CTNND1: variants seen among roughly 807,000 people sequenced by gnomAD.
CTNND1 encodes the protein catenin delta 1.
In CTNND1, 16 loss-of-function variants were observed where a neutral mutation model predicts 112.1. That is an observed-to-expected ratio of 0.14 (90% CI 0.10 to 0.22). CTNND1 has a LOEUF of 0.22. Ranked by LOEUF, CTNND1 falls within the 10% of genes least tolerant of loss-of-function variation. The probability of loss-of-function intolerance (pLI) is 1.00; values close to 1 mark genes in which losing one functional copy is unlikely to be tolerated. For synonymous variants in CTNND1, 420 were observed against 446.5 expected (o/e 0.94, Z 0.75); for missense variants, 1,008 against 1,257.0 (o/e 0.80, Z 3.00).
chr11:57,795,829 C>A, intron 5 of CTNND1, 100 bp downstream of exon 5: 1 of 1,221,740 alleles, frequency 8.2e-7, no homozygotes, highest in Non-Finnish European at 1.1e-6. Flanking sequence ...GACTGATATG[C>A]CATTATTGAT....
intron 9 of CTNND1, among the ~76,000 whole-genome samples, 153 bp downstream of exon 9, chr11:57,804,933 C>G (rs890412737): frequency 6.6e-6 from 1 of 152,216 alleles, no homozygotes; most frequent in Non-Finnish European, 1.5e-5. Flanking sequence ...GAGTCTTGCT[C>G]TGTTGCCCAG....
chr11:57,800,051 G>C (rs1398387307), intron 6 of CTNND1, among the ~76,000 whole-genome samples: 1 of 135,554 alleles, frequency 7.4e-6, no homozygotes, highest in Non-Finnish European at 1.5e-5. Flanking sequence ...GCAGTGGTGC[G>C]ATCTGGTATT....
intron 1 of CTNND1, among the ~76,000 whole-genome samples, chr11:57,778,654 C>T (rs1030522934): frequency 6.6e-6 from 1 of 152,156 alleles, no homozygotes; most frequent in African/African-American, 2.4e-5. Flanking sequence ...GGCTCTGGCC[C>T]GTGATTGGTA....
intron 1 of CTNND1, among the ~76,000 whole-genome samples, chr11:57,776,747 C>G (rs771788721): frequency 6.6e-6 from 1 of 152,232 alleles, no homozygotes; most frequent in Non-Finnish European, 1.5e-5. Context: ...TTCCCTCCCT[C>G]ACACCCCAGG....
rs528315652 is a variant in CTNND1, at chr11:57,779,333, A to C, written c.-213-9704A>C. ...TAGTTTCCTGGGATTTTTCTTCCCT[A>C]TGTCTAGACTGAAATAGCACCTGTA... On this transcript the variant is annotated intron_variant, in intron 1 of 20. Coordinates refer to ENST00000399050, the MANE Select transcript of CTNND1 (RefSeq NM_001085458.2). Among the ~76,000 whole-genome samples the C allele has an allele frequency of 2.0e-5, 3 of 152,206 alleles. No individual in the cohort carries two copies. In the East Asian group the frequency reaches 5.8e-4, roughly 29 times the overall value.
At chr11:57,774,317 C>G (rs1253368279) in intron 1 of CTNND1, among the ~76,000 whole-genome samples, 2 of 152,156 alleles carry the variant, frequency 1.3e-5, no homozygotes, top group African/African-American at 4.8e-5. Context: ...GCTCTTTGTT[C>G]CTTGAAGGCC....
At chr11:57,782,826 T>TCCAG (rs2059719073) in intron 1 of CTNND1, among the ~76,000 whole-genome samples, 1 of 152,194 alleles carries the variant, frequency 6.6e-6, no homozygotes, top group African/African-American at 2.4e-5. Context: ...GAAGGCCATA[T>TCCAG]CCAGAATAAT....
In CTNND1 at chr11:57,801,934, A is replaced by C. The variant is rs373905009; in HGVS notation, c.1158A>C (p.Ala386=). ...GFRLDAVKSN[A]AAYLQHLCYR... ...GCTTGGATGCTGTCAAGTCCAATGC[A>C]GCTGCATACCTGCAACACTTATGCT... The change falls in exon 7 of 21, where the codon GCA becomes GCC. Residue 386 remains alanine, a synonymous_variant. Coordinates refer to ENST00000399050, the MANE Select transcript of CTNND1 (RefSeq NM_001085458.2). 1.2e-6 allele frequency: 2 copies of C among 1,613,962 alleles called. No homozygotes were observed. The highest frequency in any genetic ancestry group is 1.7e-6 in the Non-Finnish European group (2 of 1,179,920).
intron 2 of CTNND1, among the ~76,000 whole-genome samples, chr11:57,789,572 CAA>C (rs1764318201): frequency 6.6e-6 from 1 of 152,108 alleles, no homozygotes; most frequent in South Asian, 2.1e-4. Context: ...CTATTTAAAA[CAA>C]GAGTGTCCAA....
chr11:57,786,431 G>A (rs1404932137), intron 1 of CTNND1, among the ~76,000 whole-genome samples: 1 of 152,132 alleles, frequency 6.6e-6, no homozygotes, highest in East Asian at 1.9e-4. Context: ...TATTCGGGAG[G>A]CTGAGGCAGG....
intron 1 of CTNND1, among the ~76,000 whole-genome samples, chr11:57,768,087 G>T (rs560298586): frequency 6.6e-6 from 1 of 151,856 alleles, no homozygotes; most frequent in African/African-American, 2.4e-5. Flanking sequence ...CACCCACCTC[G>T]GCCTTCCAAA....
In CTNND1 at chr11:57,796,782, G is replaced by A. The variant is rs199994040; in HGVS notation, c.746G>A (p.Arg249Gln). The A allele has an allele frequency of 6.2e-6, 10 of 1,609,758 alleles. No individual in the cohort carries two copies. Among genetic ancestry groups the A allele is most frequent in the East Asian group, 2.2e-5 (1 of 44,810 alleles). Residue 249 changes from arginine to glutamine, a missense_variant, in exon 6 of 21, where the codon CGG (arginine) becomes CAG (glutamine). This residue lies in a region of CTNND1 where 404 missense variants were observed against 457.9 expected (regional missense o/e 0.88). Coordinates refer to ENST00000399050, the MANE Select transcript of CTNND1 (RefSeq NM_001085458.2). ...ERYRPSMEGY[R>Q]APSRQDVYGP... ...TATAGGCCCAGCATGGAAGGCTACC[G>A]GGCACCTAGTAGACAGGATGTGTAT...
At chr11:57,795,827 T>G in intron 5 of CTNND1, 98 bp downstream of exon 5, 1 of 1,235,844 alleles carries the variant, frequency 8.1e-7, no homozygotes, top group Middle Eastern at 2.6e-4. Context: ...AGGACTGATA[T>G]GCCATTATTG....
At chr11:57,770,820 T>C (rs1267796374) in intron 1 of CTNND1, among the ~76,000 whole-genome samples, 1 of 152,164 alleles carries the variant, frequency 6.6e-6, no homozygotes, top group Non-Finnish European at 1.5e-5. Context: ...TCCCATTTCA[T>C]TGCAAGTGAA....
At position 57,818,605 on chromosome 11, in the gene CTNND1, A is replaced by C. The variant is rs145411496; in HGVS notation, c.*2297A>C. 1 of 152,346 alleles carries C rather than the reference A, an allele frequency of 6.6e-6. No homozygotes were observed. The highest frequency in any genetic ancestry group is 1.5e-5 in the Non-Finnish European group (1 of 68,026). The allele number at this position is 152,346 out of a possible 1,614,324, so 9.4% of individuals were successfully genotyped here. A position where few individuals can be genotyped will look rare whatever the true frequency, so the allele number is the denominator to read the frequency against. On this transcript the variant is annotated 3_prime_UTR_variant, in exon 21 of 21. Coordinates refer to ENST00000399050, the MANE Select transcript of CTNND1 (RefSeq NM_001085458.2). ...CTCAGCCCCAACTCTTTATCAAGCA[A>C]CATTCTTGTTAACTATATGTGAAAC...
intron 1 of CTNND1, among the ~76,000 whole-genome samples, chr11:57,768,475 G>C (rs1951696139): frequency 2.2e-5 from 3 of 135,420 alleles, no homozygotes; most frequent in African/African-American, 2.8e-5. Context: ...CTCACTGCAA[G>C]CTCTGCCTCC....
rs1661996407 is a variant in CTNND1 at position 57,789,145 on chromosome 11, T to A, written c.-105T>A. On this transcript the variant is annotated 5_prime_UTR_variant, in exon 2 of 21. Transcript: ENST00000399050. ...GTGTTAAACCAATCAGTTGCGACCT[T>A]CTCTTAACAGGTGTGTATGGAAATA... is the stretch of plus-strand genomic sequence containing the variant. 7 of 1,526,604 alleles carry A rather than the reference T, an allele frequency of 4.6e-6. No homozygotes were observed. Among genetic ancestry groups the A allele is most frequent in the Non-Finnish European group, 6.1e-6 (7 of 1,140,856 alleles). The allele number at this position is 1,526,604 out of a possible 1,614,324, so 94.6% of individuals were successfully genotyped here. A position where few individuals can be genotyped will look rare whatever the true frequency, so the allele number is the denominator to read the frequency against.
intron 1 of CTNND1, among the ~76,000 whole-genome samples, chr11:57,780,840 A>G (rs1455595387): frequency 6.6e-6 from 1 of 152,226 alleles, no homozygotes; most frequent in East Asian, 1.9e-4. Context: ...ATCTGGCTCA[A>G]TTACATGCTT....
intron 9 of CTNND1, among the ~76,000 whole-genome samples, chr11:57,805,334 C>G (rs11570207): frequency 1.0e-3 from 156 of 152,198 alleles, no homozygotes; most frequent in African/African-American, 3.7e-3. Flanking sequence ...CGACCTCTCC[C>G]TCCTGGGTTC....
Sources: gnomAD v4.1 joint callset for allele counts (sites outside exome capture counted in the v4.1 genomes callset) on GRCh38, gnomAD v4.1.1 for gene constraint, gnomAD v4.1.1 regional missense constraint, MANE v1.5 for transcripts, NCBI Gene and HGNC (gene_info 2026-07-23, HGNC 2026-07-21) for gene names.